Variants in FOXP1 observed in about 807,000 individuals in gnomAD.
The protein encoded by FOXP1 is forkhead box protein P1.
Under a neutral mutation model 98.2 loss-of-function variants are expected in FOXP1, and 15 were observed. The observed-to-expected ratio is 0.15, with a 90% CI of 0.10 to 0.24. FOXP1 has a LOEUF of 0.24. Ranked by LOEUF, FOXP1 falls within the 10% of genes least tolerant of loss-of-function variation. The pLI is 1.00. For missense variants in FOXP1, 633 were observed against 848.5 expected (o/e 0.75, Z 3.15); for synonymous variants, 371 against 314.5 (o/e 1.18, Z -1.90).
chr3:71,453,309 C>T (rs1412643000), intron 3 of FOXP1, among the ~76,000 whole-genome samples: 4 of 152,154 alleles, frequency 2.6e-5, no homozygotes, highest in Admixed American at 6.5e-5. Flanking sequence ...CTTCCCCAAA[C>T]TCCATCCTAC....
intron 11 of FOXP1, among the ~76,000 whole-genome samples, chr3:71,022,415 C>T (rs994898096): frequency 9.2e-5 from 14 of 151,960 alleles, no homozygotes; most frequent in South Asian, 4.2e-4. Context: ...TGAGGTTTGA[C>T]GGGTAGGGGG....
chr3:71,048,966 A>G (rs1457472991), intron 9 of FOXP1, among the ~76,000 whole-genome samples: 1 of 152,184 alleles, frequency 6.6e-6, no homozygotes, highest in African/African-American at 2.4e-5. Context: ...TTGAAAAGCC[A>G]GGATATAAAA....
At chr3:71,384,851 C>A (rs1057429051) in intron 3 of FOXP1, among the ~76,000 whole-genome samples, 2 of 152,092 alleles carry the variant, frequency 1.3e-5, no homozygotes, top group Non-Finnish European at 2.9e-5. Flanking sequence ...AGGCTACTAG[C>A]ATGGGAAGGC....
intron 6 of FOXP1, among the ~76,000 whole-genome samples, chr3:71,125,551 T>C (rs2687760): frequency 0.35 from 53,787 of 152,164 alleles, 9,799 homozygotes; most frequent in East Asian, 0.6. Flanking sequence ...TTGGTTTGGT[T>C]GAGGAATTAG....
chr3:71,307,804 T>C (rs1046236986), intron 4 of FOXP1, among the ~76,000 whole-genome samples: 8 of 152,212 alleles, frequency 5.3e-5, no homozygotes, highest in Non-Finnish European at 1.2e-4. Flanking sequence ...TGGAATCCAA[T>C]ATTAATGCTC....
chr3:71,438,860 C>T (rs964539341), intron 3 of FOXP1, among the ~76,000 whole-genome samples: 2 of 152,120 alleles, frequency 1.3e-5, no homozygotes, highest in Admixed American at 6.6e-5. Context: ...GTAAATTACA[C>T]AGGCTGGAGG....
At chr3:70,976,416 T>A (rs1023046442) in intron 17 of FOXP1, among the ~76,000 whole-genome samples, 2 of 152,140 alleles carry the variant, frequency 1.3e-5, no homozygotes, top group Non-Finnish European at 1.5e-5. Flanking sequence ...TAATAATACA[T>A]TGTGTTCTCC....
intron 7 of FOXP1, among the ~76,000 whole-genome samples, chr3:71,106,625 CT>C (rs35593682): frequency 0.064 from 9,165 of 143,472 alleles, 880 homozygotes; most frequent in African/African-American, 0.21. Context: ...CACCCGGCCA[CT>C]TTTTTTTTTT....
rs557643653 is a variant in FOXP1 at position 71,356,523 on chromosome 3, G to A, written c.-73+2627C>T. 5.9e-5 allele frequency among the ~76,000 whole-genome samples: 9 copies of A among 152,270 alleles called. No individual in the cohort carries two copies. In the South Asian group the frequency reaches 1.9e-3, roughly 32 times the overall value. On this transcript the variant is annotated intron_variant, in intron 4 of 20. Coordinates refer to ENST00000649528, the MANE Select transcript of FOXP1 (RefSeq NM_001349338.3). ...CAGAGATTTCCACTGTATCACCTGG[G>A]GTGCCTAGTACAATGCTGGCATTTA...
intron 5 of FOXP1, among the ~76,000 whole-genome samples, chr3:71,232,817 G>C (rs1171597812): frequency 7.6e-6 from 1 of 131,218 alleles, no homozygotes; most frequent in Non-Finnish European, 1.6e-5. Flanking sequence ...AAGATCTCTT[G>C]AGCCCTGGCA....
intron 3 of FOXP1, among the ~76,000 whole-genome samples, chr3:71,451,482 C>G (rs1351490722): frequency 6.6e-6 from 1 of 152,030 alleles, no homozygotes; most frequent in African/African-American, 2.4e-5. Flanking sequence ...GAATAAAAGA[C>G]ATCTTAAAGA....
intron 2 of FOXP1, among the ~76,000 whole-genome samples, chr3:71,500,202 A>C (rs373070966): frequency 6.6e-6 from 1 of 152,258 alleles, no homozygotes; most frequent in Non-Finnish European, 1.5e-5. Context: ...CTCAAAAACA[A>C]ATTTTTAAGT....
At chr3:71,232,486 T>C (rs2066370904) in intron 5 of FOXP1, among the ~76,000 whole-genome samples, 1 of 152,100 alleles carries the variant, frequency 6.6e-6, no homozygotes. Context: ...TCCATGGTAG[T>C]ACACAAAAGC....
rs566568577 is a variant in FOXP1, at chr3:71,357,609, A to G, written c.-73+1541T>C. ...AAGGATGCATTTCCCAGACACCCTT[A>G]CAGTTAGGGGTGGCTAATAGGATGT... On this transcript the variant is annotated intron_variant, in intron 4 of 20. Transcript: ENST00000649528. Among the ~76,000 whole-genome samples, 5 of 152,292 alleles carry G rather than the reference A, an allele frequency of 3.3e-5. No individual in the cohort carries two copies. The South Asian group carries it at 6.2e-4, about 19-fold the overall frequency.
chr3:71,020,036 G>C (rs116289239), intron 11 of FOXP1, among the ~76,000 whole-genome samples: 2,443 of 152,208 alleles, frequency 0.016, 72 homozygotes, highest in African/African-American at 0.053. Flanking sequence ...AGCTACATGA[G>C]AAACTATCGT....
At chr3:71,239,762 G>T (rs1275068316) in intron 5 of FOXP1, among the ~76,000 whole-genome samples, 2 of 152,194 alleles carry the variant, frequency 1.3e-5, no homozygotes, top group Non-Finnish European at 2.9e-5. Context: ...GTCTGACATT[G>T]TGTCAAGTGT....
At chr3:71,194,914 T>A (rs1426090364) in intron 6 of FOXP1, among the ~76,000 whole-genome samples, 1 of 152,198 alleles carries the variant, frequency 6.6e-6, no homozygotes, top group Non-Finnish European at 1.5e-5. Flanking sequence ...CTCTACCAGC[T>A]AATGGCAGCA....
intron 3 of FOXP1, among the ~76,000 whole-genome samples, chr3:71,443,694 T>C (rs549821275): frequency 4.3e-4 from 66 of 152,228 alleles, no homozygotes; most frequent in Admixed American, 9.8e-4. Flanking sequence ...TGACCTGCTC[T>C]AGGGATTTCT....
intron 7 of FOXP1, among the ~76,000 whole-genome samples, chr3:71,083,707 C>T (rs1331767256): frequency 6.6e-6 from 1 of 152,174 alleles, no homozygotes; most frequent in Non-Finnish European, 1.5e-5. Context: ...CAGAACAGAA[C>T]AGAACAATTG....
Sources: allele counts gnomAD v4.1 joint callset (sites outside exome capture counted in the v4.1 genomes callset), GRCh38; gene constraint gnomAD v4.1.1; transcripts MANE v1.5; gene names NCBI Gene and HGNC (gene_info 2026-07-23, HGNC 2026-07-21).